Variants in CDH18 observed in about 807,000 individuals in gnomAD.
CDH18 encodes the protein cadherin-18.
CDH18 carries 31 observed loss-of-function variants against 67.9 expected under a neutral mutation model. That is an observed-to-expected ratio of 0.46 (90% CI 0.34 to 0.62). CDH18 has a LOEUF of 0.62. Among genes scored for constraint, CDH18 ranks in the 20% least tolerant of loss-of-function variants. The pLI is 0.01. For synonymous variants in CDH18, 362 were observed against 347.2 expected (o/e 1.04, Z -0.48); for missense variants, 890 against 975.5 (o/e 0.91, Z 1.17).
intron 1 of CDH18, among the ~76,000 whole-genome samples, chr5:20,261,157 T>C (rs867123562): frequency 3.3e-5 from 5 of 152,212 alleles, no homozygotes; most frequent in Non-Finnish European, 7.3e-5. Context: ...AAATGCATTG[T>C]TTCAGTAGTC....
At chr5:20,359,855 T>C (rs1445335348) in intron 1 of CDH18, among the ~76,000 whole-genome samples, 1 of 151,998 alleles carries the variant, frequency 6.6e-6, no homozygotes, top group Non-Finnish European at 1.5e-5. Flanking sequence ...GAAACATGAA[T>C]TTTCACTGTC....
At chr5:19,840,631 G>T (rs1487448212) in intron 2 of CDH18, among the ~76,000 whole-genome samples, 2 of 152,020 alleles carry the variant, frequency 1.3e-5, no homozygotes, top group Non-Finnish European at 2.9e-5. Flanking sequence ...GAACCCAGGA[G>T]ATGGGTGTTG....
intron 5 of CDH18, among the ~76,000 whole-genome samples, chr5:19,688,649 T>C (rs1326220735): frequency 2.6e-5 from 4 of 152,060 alleles, no homozygotes; most frequent in Admixed American, 6.6e-5. Flanking sequence ...GGAAATATGT[T>C]TCATCCAAAG....
At chr5:20,508,892 T>C (rs556361879) in intron 1 of CDH18, among the ~76,000 whole-genome samples, 2 of 152,182 alleles carry the variant, frequency 1.3e-5, no homozygotes, top group African/African-American at 4.8e-5. Context: ...GAAACTTAAC[T>C]ACCTAAAAAA....
intron 5 of CDH18, among the ~76,000 whole-genome samples, chr5:19,655,967 AC>A (rs1391274558): frequency 6.7e-6 from 1 of 148,272 alleles, no homozygotes; most frequent in Non-Finnish European, 1.5e-5. Flanking sequence ...GAGAAGAGAT[AC>A]TTTTAGTCTA....
At chr5:20,418,694 CAACTT>C (rs1461643559) in intron 1 of CDH18, among the ~76,000 whole-genome samples, 13 of 151,882 alleles carry the variant, frequency 8.6e-5, no homozygotes, top group East Asian at 1.9e-4. Context: ...AATTGTAAGA[CAACTT>C]AAGTTTAACT....
chr5:19,856,453 C>T (rs1784295059), intron 2 of CDH18, among the ~76,000 whole-genome samples: 1 of 152,146 alleles, frequency 6.6e-6, no homozygotes, highest in Admixed American at 6.6e-5. Context: ...TGATGGATTA[C>T]ACATCTTTCC....
chr5:20,122,864 G>T (rs1377749016), intron 2 of CDH18, among the ~76,000 whole-genome samples: 1 of 147,382 alleles, frequency 6.8e-6, no homozygotes, highest in Non-Finnish European at 1.5e-5. Flanking sequence ...ATGTCTGAAA[G>T]AAATTTATTT....
intron 1 of CDH18, among the ~76,000 whole-genome samples, chr5:20,512,246 C>A (rs151072271): frequency 7.9e-5 from 12 of 151,952 alleles, no homozygotes; most frequent in Non-Finnish European, 1.6e-4. Flanking sequence ...AATAAATGCT[C>A]GCTATTTTGT....
chr5:19,643,820 A>T (rs1382655701), intron 5 of CDH18, among the ~76,000 whole-genome samples: 1 of 152,178 alleles, frequency 6.6e-6, no homozygotes, highest in Non-Finnish European at 1.5e-5. Context: ...AAGATGATAG[A>T]TCTTCAGTGT....
chr5:19,566,265 T>A (rs1740378786), intron 8 of CDH18, among the ~76,000 whole-genome samples: 3 of 152,144 alleles, frequency 2.0e-5, no homozygotes, highest in African/African-American at 7.2e-5. Flanking sequence ...AACCCCCATA[T>A]CCTGTTGGTG....
chr5:19,845,484 G>T (rs949009423), intron 2 of CDH18, among the ~76,000 whole-genome samples: 1 of 152,098 alleles, frequency 6.6e-6, no homozygotes, highest in East Asian at 1.9e-4. Flanking sequence ...TGTGTGTTTT[G>T]ATGCAGTTGG....
intron 3 of CDH18, among the ~76,000 whole-genome samples, chr5:19,806,467 T>C (rs1031317277): frequency 1.3e-5 from 2 of 152,226 alleles, no homozygotes; most frequent in African/African-American, 4.8e-5. Context: ...TTAGCATTTG[T>C]CTTGTTCTTC....
chr5:19,672,208 T>C (rs755161735), intron 5 of CDH18, among the ~76,000 whole-genome samples: 1 of 152,144 alleles, frequency 6.6e-6, no homozygotes, highest in African/African-American at 2.4e-5. Context: ...CAGCATCCCC[T>C]AGTTATAAGA....
At chr5:20,298,781 A>G (rs1449429818) in intron 1 of CDH18, among the ~76,000 whole-genome samples, 1 of 152,202 alleles carries the variant, frequency 6.6e-6, no homozygotes, top group Non-Finnish European at 1.5e-5. Flanking sequence ...ATTATGAGGT[A>G]AGATACATTG....
At chr5:19,676,276 A>C (rs1048935375) in intron 5 of CDH18, among the ~76,000 whole-genome samples, 3 of 152,082 alleles carry the variant, frequency 2.0e-5, no homozygotes, top group East Asian at 3.9e-4. Context: ...TTTTTTGAGA[A>C]TATTATTCAT....
intron 9 of CDH18, among the ~76,000 whole-genome samples, chr5:19,536,147 TA>T (rs1561291025): frequency 5.3e-5 from 8 of 152,144 alleles, no homozygotes; most frequent in Non-Finnish European, 1.2e-4. Flanking sequence ...AAAGATAAGT[TA>T]GACCAGATTT....
intron 10 of CDH18, among the ~76,000 whole-genome samples, chr5:19,513,625 C>T (rs1745463180): frequency 6.6e-6 from 1 of 151,908 alleles, no homozygotes; most frequent in Non-Finnish European, 1.5e-5. Context: ...ATTTTTCTAA[C>T]TTCTTAAGAA....
intron 2 of CDH18, among the ~76,000 whole-genome samples, chr5:20,170,710 A>G (rs1305566760): frequency 6.6e-6 from 1 of 151,972 alleles, no homozygotes; most frequent in African/African-American, 2.4e-5. Flanking sequence ...TTTTCCTTAA[A>G]CTTTCATTTT....
Sources: gnomAD v4.1 joint callset for allele counts (sites outside exome capture counted in the v4.1 genomes callset) on GRCh38, gnomAD v4.1.1 for gene constraint, MANE v1.5 for transcripts, NCBI Gene and HGNC (gene_info 2026-07-23, HGNC 2026-07-21) for gene names.